The following IRF8 variants were observed in gnomAD, a reference collection of about 807,000 sequenced individuals.
IRF8 encodes the protein interferon consensus sequence binding protein 1.
IRF8 carries 14 observed loss-of-function variants against 48.7 expected under a neutral mutation model. The observed-to-expected ratio is 0.29, with a 90% CI of 0.19 to 0.45. The LOEUF (loss-of-function observed/expected upper bound fraction) is 0.45, where lower values mean the gene tolerates loss of function less well. Among genes scored for constraint, IRF8 ranks in the 20% least tolerant of loss-of-function variants. IRF8 has a pLI of 1.00. For synonymous variants in IRF8, 278 were observed against 227.3 expected (o/e 1.22, Z -2.01); for missense variants, 493 against 580.7 (o/e 0.85, Z 1.55).
intron 1 of IRF8, among the ~76,000 whole-genome samples, chr16:85,900,619 C>T (rs997440090): frequency 2.6e-5 from 4 of 152,176 alleles, no homozygotes; most frequent in African/African-American, 7.2e-5. Flanking sequence ...GGCGTTGGGG[C>T]GCCGGCCTGG....
In IRF8 at chr16:85,920,050, C is replaced by T. The variant is rs1436699126; in HGVS notation, c.989-59C>T. The T allele has an allele frequency of 1.8e-5, 22 of 1,205,254 alleles. 1 individual carries two copies. Among genetic ancestry groups the T allele is most frequent in the Non-Finnish European group, 2.3e-5 (19 of 815,268 alleles). 74.7% of individuals were successfully genotyped at this position (1,205,254 alleles called of 1,614,324 possible). On this transcript the variant is annotated intron_variant, in intron 7 of 8. Transcript: ENST00000268638. ...TCCTGATCCCCCAGCCCTGCTGCTGCGGGAGTTGGAGGTCATCTCGGCCTT... is the reference window on the plus strand; with the variant it reads ...TCCTGATCCCCCAGCCCTGCTGCTGTGGGAGTTGGAGGTCATCTCGGCCTT...
intron 5 of IRF8, 126 bp from the exon 6 acceptor site, chr16:85,914,347 C>T: frequency 9.6e-7 from 1 of 1,043,066 alleles, no homozygotes; most frequent in Non-Finnish European, 1.5e-6. Flanking sequence ...GAAGCCTGTG[C>T]TCCCTGGAGC....
Position 85,918,566 on chromosome 16 carries a change from C to T in IRF8, c.751C>T (p.Arg251Cys), listed in dbSNP as rs773747033. 14 of 1,604,040 alleles carry T rather than the reference C, an allele frequency of 8.7e-6. No individual in the cohort carries two copies. Among genetic ancestry groups the T allele is most frequent in the East Asian group, 2.2e-5 (1 of 44,870 alleles). ...TGGGCCCGAGGGCCTGGAGCTGGTG[C>T]GCTTCCCGCCGGCCGACGCCATCCC... is the stretch of plus-strand genomic sequence containing the variant. ...LYGPEGLELV[R>C]FPPADAIPSE... Residue 251 changes from arginine to cysteine, a missense_variant, in exon 7 of 9, where the codon CGC becomes TGC. By Grantham distance (180) the Arg-to-Cys change is radical. This residue lies in a region of IRF8 where 408 missense variants were observed against 449.6 expected (regional missense o/e 0.91). Coordinates refer to ENST00000268638, the MANE Select transcript of IRF8 (RefSeq NM_002163.4).
At position 85,921,240 on chromosome 16, in the gene IRF8, C is replaced by T; in HGVS notation, c.1239C>T (p.His413=). Reference sequence around the variant, plus strand: ...TGTTTCCAGATATTTGTGCCTCACACCAGAGATCATTTTTCAGAGAAAACC... The same window carrying T: ...TGTTTCCAGATATTTGTGCCTCACATCAGAGATCATTTTTCAGAGAAAACC... The part of the protein sequence containing the change: ...FRMFPDICAS[H]QRSFFRENQQ... Residue 413 remains histidine (H), a synonymous_variant, in exon 9 of 9, where the codon CAC becomes CAT. Transcript: ENST00000268638. 1 of 1,614,200 alleles carries T rather than the reference C, an allele frequency of 6.2e-7. No homozygotes were observed.
chr16:85,906,879 A>G (rs147782334), intron 2 of IRF8, among the ~76,000 whole-genome samples: 6 of 152,184 alleles, frequency 3.9e-5, no homozygotes, highest in South Asian at 2.1e-4. Context: ...TACAATCCAC[A>G]GGACCACCCC....
At chr16:85,914,108 C>T in intron 5 of IRF8, 1 of 330,624 alleles carries the variant, frequency 3.0e-6, no homozygotes. Flanking sequence ...TAGCTTGCAC[C>T]CCCAGGCTCT....
chr16:85,918,201 T>C, intron 6 of IRF8: 1 of 575,910 alleles, frequency 1.7e-6, no homozygotes, highest in South Asian at 2.4e-5. Flanking sequence ...GTAGTTAATA[T>C]GTTCAGTCAT....
intron 2 of IRF8, among the ~76,000 whole-genome samples, chr16:85,906,811 A>C (rs1411419470): frequency 6.6e-6 from 1 of 152,062 alleles, no homozygotes; most frequent in Non-Finnish European, 1.5e-5. Flanking sequence ...TGTCACAGCT[A>C]GGGGAGGGGT....
intron 2 of IRF8, among the ~76,000 whole-genome samples, chr16:85,905,400 G>A: frequency 6.6e-6 from 1 of 152,222 alleles, no homozygotes; most frequent in East Asian, 1.9e-4. Flanking sequence ...TACATCTTAT[G>A]CAATGTTCTT....
In IRF8 at chr16:85,903,175, G is replaced by T. The variant is rs1329459790; in HGVS notation, c.160G>T (p.Ala54Ser). 1.2e-6 allele frequency: 2 copies of T among 1,613,938 alleles called. No homozygotes were observed. The highest frequency in any genetic ancestry group is 1.7e-6 in the Non-Finnish European group (2 of 1,179,994). Residue 54 changes from alanine (A) to serine (S), a missense_variant, in exon 2 of 9, where the codon GCC becomes TCC. Ala to Ser is a moderately conservative substitution (Grantham distance 99). Coordinates refer to ENST00000268638, the MANE Select transcript of IRF8 (RefSeq NM_002163.4). ...GCAAGATTATAATCAGGAAGTGGAT[G>T]CCTCCATTTTTAAGGTAAAGAGCCC... ...GKQDYNQEVDASIFKAWAVFK... is the reference protein window; with the variant it reads ...GKQDYNQEVDSSIFKAWAVFK...
intron 2 of IRF8, among the ~76,000 whole-genome samples, chr16:85,905,599 G>A (rs374663063): frequency 4.6e-5 from 7 of 152,180 alleles, no homozygotes; most frequent in African/African-American, 1.7e-4. Context: ...GTGGAGACAT[G>A]GCGCCAGCAA....
In IRF8 at chr16:85,913,176, C is replaced by T; in HGVS notation, c.493C>T (p.Pro165Ser). The T allele has an allele frequency of 6.2e-7, 1 of 1,614,192 alleles. No individual in the cohort carries two copies. The highest frequency in any genetic ancestry group is 8.5e-7 in the Non-Finnish European group (1 of 1,180,026). ...YMGMIKRSPSPPEACRSQLLP... is the reference protein window; with the variant it reads ...YMGMIKRSPSSPEACRSQLLP... The stretch of plus-strand genomic sequence containing the variant: ...GGGGATGATCAAAAGGAGCCCTTCC[C>T]CGCCGGAGGCCTGTCGGAGTCAGCT... The change falls in exon 5 of 9, where the codon CCG (proline) becomes TCG (serine). Residue 165 changes from proline to serine, a missense_variant. This residue lies in a region of IRF8 where 408 missense variants were observed against 449.6 expected (regional missense o/e 0.91). Coordinates refer to ENST00000268638, the MANE Select transcript of IRF8 (RefSeq NM_002163.4).
At chr16:85,908,902 G>A in intron 2 of IRF8, 88 bp from the exon 3 acceptor site, 1 of 1,121,140 alleles carries the variant, frequency 8.9e-7, no homozygotes, top group Admixed American at 1.7e-5. Flanking sequence ...CATGGGAAGG[G>A]AAGGATGTGT....
intron 2 of IRF8, among the ~76,000 whole-genome samples, chr16:85,906,315 G>A (rs923579783): frequency 6.6e-6 from 1 of 152,228 alleles, no homozygotes; most frequent in Non-Finnish European, 1.5e-5. Flanking sequence ...GAGGCTGAAT[G>A]AGCCATAGTG....
At chr16:85,900,744 G>A (rs977849431) in intron 1 of IRF8, among the ~76,000 whole-genome samples, 2 of 152,202 alleles carry the variant, frequency 1.3e-5, no homozygotes, top group African/African-American at 4.8e-5. Context: ...GTATTTTCCA[G>A]CTTTCAGATG....
intron 2 of IRF8, among the ~76,000 whole-genome samples, chr16:85,904,943 G>A (rs569106211): frequency 5.8e-4 from 88 of 151,292 alleles, no homozygotes; most frequent in African/African-American, 2.1e-3. Context: ...CCAAAAGCCG[G>A]AATTTCTCTG....
At position 85,914,659 on chromosome 16, in the gene IRF8, A is replaced by C. The variant is rs560230251; in HGVS notation, c.601+139A>C. On this transcript the variant is annotated intron_variant, in intron 6 of 8. Transcript: ENST00000268638. ...AGGCCTGGTTCCAAGGATGAGCAGGACCTGGTGTGGAAGTCTAGGCTCCGT... is the reference window on the plus strand; with the variant it reads ...AGGCCTGGTTCCAAGGATGAGCAGGCCCTGGTGTGGAAGTCTAGGCTCCGT... 2,386 of 965,282 alleles carry C rather than the reference A, an allele frequency of 2.5e-3. 24 individuals carry two copies. The highest frequency in any genetic ancestry group is 0.019 in the Middle Eastern group (69 of 3,632). The allele number at this position is 965,282 out of a possible 1,614,324, so 59.8% of individuals were successfully genotyped here.
At position 85,918,665 on chromosome 16, in the gene IRF8, C is replaced by A. The variant is rs370022572; in HGVS notation, c.850C>A (p.Arg284=). Residue 284 remains arginine, a synonymous_variant, in exon 7 of 9, where the codon CGG becomes AGG. Coordinates refer to ENST00000268638, the MANE Select transcript of IRF8 (RefSeq NM_002163.4). ...GCGCGGGGTGCTGCTGCACAGCAGC[C>A]GGCAGGGCGTGTTCGTCAAGCGGCT... ...LERGVLLHSS[R]QGVFVKRLCQ... 1 of 1,610,730 alleles carries A rather than the reference C, an allele frequency of 6.2e-7. No individual in the cohort carries two copies. Among genetic ancestry groups the A allele is most frequent in the Non-Finnish European group, 8.5e-7 (1 of 1,179,788 alleles).
chr16:85,908,068 G>T (rs1216671686), intron 2 of IRF8, among the ~76,000 whole-genome samples: 1 of 152,188 alleles, frequency 6.6e-6, no homozygotes, highest in South Asian at 2.1e-4. Flanking sequence ...CCCAGACTGG[G>T]TGACCTTGCG....
Sources: allele counts gnomAD v4.1 joint callset (sites outside exome capture counted in the v4.1 genomes callset), GRCh38; gene constraint gnomAD v4.1.1; regional missense constraint gnomAD v4.1.1; transcripts MANE v1.5; gene names NCBI Gene and HGNC (gene_info 2026-07-23, HGNC 2026-07-21).